The following IYD variants were observed in gnomAD, a reference collection of about 807,000 sequenced individuals.
IYD encodes the protein iodotyrosine deiodinase, also known as iodotyrosine deiodinase 1.
In IYD, 25 loss-of-function variants were observed where a neutral mutation model predicts 28.4. That is an observed-to-expected ratio of 0.88 (90% CI 0.64 to 1.23). The LOEUF (loss-of-function observed/expected upper bound fraction) is 1.23, where lower values mean the gene tolerates loss of function less well. IYD is among the 50% of genes most tolerant of loss of function. The pLI, the probability that IYD is intolerant of heterozygous loss-of-function variation, is 0.00. For missense variants in IYD, 352 were observed against 357.9 expected (o/e 0.98, Z 0.13); for synonymous variants, 140 against 130.8 (o/e 1.07, Z -0.48).
chr6:150,387,098 A>C (rs805993), intron 1 of IYD, among the ~76,000 whole-genome samples: 1 of 151,910 alleles, frequency 6.6e-6, no homozygotes, highest in East Asian at 1.9e-4. Flanking sequence ...AGAGTAAAAA[A>C]GTGCCATTTA....
At chr6:150,396,290 C>G (rs1778308197) in intron 4 of IYD, 1 of 415,516 alleles carries the variant, frequency 2.4e-6, no homozygotes, top group Non-Finnish European at 4.2e-6. Flanking sequence ...AGTTCATGGA[C>G]CTGCTAAATT....
In IYD at chr6:150,392,250, A is replaced by T. The variant is rs1778148372; in HGVS notation, c.371-95A>T. 4 of 1,598,662 alleles carry T rather than the reference A, an allele frequency of 2.5e-6. No homozygotes were observed. In the African/African-American group the frequency reaches 5.4e-5, roughly 21 times the overall value. ...TTTGATCCTCCAGCTCCAGCCTCCC[A>T]AAGTGCTTGGACTACAGGGATGAGC... On this transcript the variant is annotated intron_variant, in intron 2 of 4. Coordinates refer to ENST00000344419, the MANE Select transcript of IYD (RefSeq NM_203395.3).
chr6:150,372,344 A>T (rs1399411766), intron 1 of IYD, among the ~76,000 whole-genome samples: 2 of 91,514 alleles, frequency 2.2e-5, no homozygotes, highest in Admixed American at 1.4e-4. Flanking sequence ...TGGTGAGGGA[A>T]CATTGTGTGT....
In IYD at chr6:150,375,318, G is replaced by T. The variant is rs149204714; in HGVS notation, c.178+6109G>T. On this transcript the variant is annotated intron_variant, in intron 1 of 4. Coordinates refer to ENST00000344419, the MANE Select transcript of IYD (RefSeq NM_203395.3). ...GTGGAGGTCACTGATTGGTCAGAGC[G>T]CAGGGTGAAGTCATGGGACAGGGAG... 3.8e-3 allele frequency among the ~76,000 whole-genome samples: 585 copies of T among 152,264 alleles called. 4 individuals carry two copies. Among genetic ancestry groups the T allele is most frequent in the African/African-American group, 0.013 (531 of 41,566 alleles).
At position 150,398,175 on chromosome 6, in the gene IYD, A is replaced by C; in HGVS notation, c.808A>C (p.Lys270Gln). 6.2e-7 allele frequency: 1 copy of C among 1,614,166 alleles called. No individual in the cohort carries two copies. The highest frequency in any genetic ancestry group is 8.5e-7 in the Non-Finnish European group (1 of 1,180,030). Reference protein sequence around the residue: ...LMLLPVGYPSKEATVPDLKRK... With the variant: ...LMLLPVGYPSQEATVPDLKRK... Reference sequence around the variant, plus strand: ...GCTGCTCCCCGTGGGGTACCCCAGCAAGGAGGCCACGGTGCCTGACCTCAA... The same window carrying C: ...GCTGCTCCCCGTGGGGTACCCCAGCCAGGAGGCCACGGTGCCTGACCTCAA... Residue 270 changes from lysine (K) to glutamine (Q), a missense_variant, in exon 5 of 5, where the codon AAG becomes CAG. Lys to Gln is a moderately conservative substitution (Grantham distance 53, BLOSUM62 1). Transcript: ENST00000344419.
chr6:150,388,657 T>TTCTTTCTTTC (rs1284059116), intron 1 of IYD, among the ~76,000 whole-genome samples: 5 of 143,052 alleles, frequency 3.5e-5, no homozygotes, highest in Middle Eastern at 3.5e-3. Flanking sequence ...CTTTCTTTCT[T>TTCTTTCTTTC]TCTTTCTTTC....
intron 1 of IYD, among the ~76,000 whole-genome samples, chr6:150,387,904 C>T (rs1383401511): frequency 6.6e-6 from 1 of 151,226 alleles, no homozygotes; most frequent in Non-Finnish European, 1.5e-5. Context: ...ATAAGCTTGT[C>T]TTTTTTCTCT....
At position 150,373,485 on chromosome 6, in the gene IYD, A is replaced by T. The variant is rs1777344697; in HGVS notation, c.178+4276A>T. ...ACTGATCCTACAAATGATGTGTGCC[A>T]CTTGCAGCTCTGAAAGTCCACCAGT... On this transcript the variant is annotated intron_variant, in intron 1 of 4. Transcript: ENST00000344419. Among the ~76,000 whole-genome samples the T allele has an allele frequency of 2.0e-5, 3 of 152,216 alleles. No homozygotes were observed. The South Asian group carries it at 6.2e-4, about 32-fold the overall frequency.
Position 150,404,016 on chromosome 6 carries a change from G to A in IYD, c.*5779G>A, listed in dbSNP as rs898895381. On this transcript the variant is annotated 3_prime_UTR_variant, in exon 5 of 5. Coordinates refer to ENST00000344419, the MANE Select transcript of IYD (RefSeq NM_203395.3). ...TTCTAAAATCAAAACCCTCTGAAGG[G>A]TGAAAACTGGGAGCCTCCTGTTCCC... 5.3e-5 allele frequency: 8 copies of A among 152,178 alleles called. No homozygotes were observed. Among genetic ancestry groups the A allele is most frequent in the African/African-American group, 1.9e-4 (8 of 41,438 alleles). The allele number at this position is 152,178 out of a possible 1,614,324, so 9.4% of individuals were successfully genotyped here. A position where few individuals can be genotyped will look rare whatever the true frequency, so the allele number is the denominator to read the frequency against.
Position 150,392,337 on chromosome 6 carries a change from G to A in IYD, c.371-8G>A. On this transcript the variant is annotated splice_region_variant and splice_polypyrimidine_tract_variant and intron_variant, in intron 2 of 4. Coordinates refer to ENST00000344419, the MANE Select transcript of IYD (RefSeq NM_203395.3). Reference sequence around the variant, plus strand: ...TTTAATTTCTGATTTTAATGGAATGGGTGACAGGAACAGCCCCGAGTGGGG... The same window carrying A: ...TTTAATTTCTGATTTTAATGGAATGAGTGACAGGAACAGCCCCGAGTGGGG... The A allele has an allele frequency of 1.9e-6, 3 of 1,612,836 alleles. No homozygotes were observed. The highest frequency in any genetic ancestry group is 1.7e-6 in the Non-Finnish European group (2 of 1,179,848).
rs375902260 is a variant in IYD at position 150,398,271 on chromosome 6, C to T, written c.*34C>T. 3.1e-5 allele frequency: 50 copies of T among 1,601,092 alleles called. No homozygotes were observed. Among genetic ancestry groups the T allele is most frequent in the Middle Eastern group, 1.8e-4 (1 of 5,444 alleles). On this transcript the variant is annotated 3_prime_UTR_variant, in exon 5 of 5. Transcript: ENST00000344419. ...CCCCAAGGGAGTGGCAGGGAGATGGCGCCCCTGCTTTTCCCTGAGCCTCTC... is the reference window on the plus strand; with the variant it reads ...CCCCAAGGGAGTGGCAGGGAGATGGTGCCCCTGCTTTTCCCTGAGCCTCTC...
At chr6:150,370,059 A>G (rs1015559526) in intron 1 of IYD, 11 of 702,018 alleles carry the variant, frequency 1.6e-5, no homozygotes, top group Non-Finnish European at 2.6e-5. Flanking sequence ...TCTGTGTTTG[A>G]GAAGCTTTGT....
chr6:150,378,243 T>C (rs547879422), intron 1 of IYD, among the ~76,000 whole-genome samples: 5 of 150,862 alleles, frequency 3.3e-5, no homozygotes. Context: ...GTTAGTTACA[T>C]ATGTATACAT....
intron 4 of IYD, chr6:150,396,799 G>A (rs1778336260): frequency 5.5e-6 from 1 of 181,448 alleles, no homozygotes; most frequent in South Asian, 1.6e-4. Flanking sequence ...GCGTGAACCT[G>A]GGAGGCGGAG....
intron 4 of IYD, 134 bp downstream of exon 4, chr6:150,394,389 C>A: frequency 2.2e-6 from 2 of 915,410 alleles, no homozygotes; most frequent in South Asian, 1.4e-5. Flanking sequence ...GATGTGAAAA[C>A]TGACTCTGGA....
At chr6:150,384,971 T>A (rs1777807927) in intron 1 of IYD, 2 of 152,188 alleles carry the variant, frequency 1.3e-5, no homozygotes. Flanking sequence ...GTTTTGGCAT[T>A]TTTAGCTCCA....
rs896315713 is a variant in IYD at position 150,398,381 on chromosome 6, A to T, written c.*144A>T. 2.8e-6 allele frequency: 2 copies of T among 712,858 alleles called. No individual in the cohort carries two copies. The highest frequency in any genetic ancestry group is 4.8e-6 in the Non-Finnish European group (2 of 416,268). The allele number at this position is 712,858 out of a possible 1,614,324, so 44.2% of individuals were successfully genotyped here. ...TCTTCTCAGGTGGCCACACTATGTC[A>T]AGAAGCCTCTCCACACTCTGTGGCA... On this transcript the variant is annotated 3_prime_UTR_variant, in exon 5 of 5. Transcript: ENST00000344419.
chr6:150,394,060 A>G (rs1582799159), intron 3 of IYD, 39 bp from the exon 4 acceptor site: 2 of 1,606,068 alleles, frequency 1.2e-6, no homozygotes, highest in Non-Finnish European at 1.7e-6. Flanking sequence ...AACAAAAAAT[A>G]TGGGCAAATA....
At chr6:150,387,589 T>C (rs1339192645) in intron 1 of IYD, among the ~76,000 whole-genome samples, 1 of 152,126 alleles carries the variant, frequency 6.6e-6, no homozygotes, top group Non-Finnish European at 1.5e-5. Context: ...ACATTCTCAC[T>C]CTTCACTCTG....
Sources: allele counts gnomAD v4.1 joint callset (sites outside exome capture counted in the v4.1 genomes callset), GRCh38; gene constraint gnomAD v4.1.1; transcripts MANE v1.5; gene names NCBI Gene and HGNC (gene_info 2026-07-23, HGNC 2026-07-21).